Variants in PRKCB observed in about 807,000 individuals in gnomAD.
The protein encoded by PRKCB is protein kinase C beta.
PRKCB carries 13 observed loss-of-function variants against 81.5 expected under a neutral mutation model. That is an observed-to-expected ratio of 0.16 (90% CI 0.10 to 0.25). The LOEUF (loss-of-function observed/expected upper bound fraction) is 0.25. Among genes scored for constraint, PRKCB ranks in the 10% least tolerant of loss-of-function variants. The probability of loss-of-function intolerance (pLI) is 1.00; values close to 1 mark genes in which losing one functional copy is unlikely to be tolerated. For synonymous variants in PRKCB, 335 were observed against 321.4 expected (o/e 1.04, Z -0.45); for missense variants, 509 against 875.7 (o/e 0.58, Z 5.29).
At chr16:24,152,506 A>G (rs1423026272) in intron 9 of PRKCB, among the ~76,000 whole-genome samples, 1 of 151,596 alleles carries the variant, frequency 6.6e-6, no homozygotes, top group Non-Finnish European at 1.5e-5. Flanking sequence ...TCAGCTGAGA[A>G]CTCTTCTTCT....
rs191184587 is a variant in PRKCB at position 24,183,872 on chromosome 16, A to G, written c.1534-1239A>G. ...ATCCCTGCATACTGAAAGATGGACA[A>G]TCACATAGCTCTTCTAGACTTTTCC... is the stretch of plus-strand genomic sequence containing the variant. On this transcript the variant is annotated intron_variant, in intron 13 of 16. Coordinates refer to ENST00000643927, the MANE Select transcript of PRKCB (RefSeq NM_002738.7). Among the ~76,000 whole-genome samples the G allele has an allele frequency of 1.0e-3, 159 of 152,326 alleles. 2 individuals are homozygous for G. The highest frequency in any genetic ancestry group is 6.8e-4 in the Non-Finnish European group (46 of 68,030).
chr16:24,188,103 C>T (rs1417613889), intron 15 of PRKCB, among the ~76,000 whole-genome samples: 1 of 152,204 alleles, frequency 6.6e-6, no homozygotes, highest in East Asian at 1.9e-4. Flanking sequence ...GGTCAGCTGC[C>T]TTCAGCTCCT....
intron 2 of PRKCB, among the ~76,000 whole-genome samples, chr16:23,902,881 G>A (rs1963504660): frequency 6.8e-6 from 1 of 147,020 alleles, no homozygotes; most frequent in South Asian, 2.2e-4. Flanking sequence ...GTAGTTCACT[G>A]TAACCTTGAA....
intron 2 of PRKCB, among the ~76,000 whole-genome samples, chr16:23,957,324 G>A (rs1240826998): frequency 6.6e-6 from 1 of 152,180 alleles, no homozygotes; most frequent in Non-Finnish European, 1.5e-5. Flanking sequence ...TGATAGACTA[G>A]TGCACATGTA....
chr16:23,867,076 CTCT>C (rs1567295257), intron 2 of PRKCB, among the ~76,000 whole-genome samples: 2 of 64,006 alleles, frequency 3.1e-5, no homozygotes, highest in Non-Finnish European at 6.8e-5. Context: ...TTCTTTCTTT[CTCT>C]TTCTTTCTTT....
chr16:23,988,413 A>G, intron 2 of PRKCB, 95 bp from the exon 3 acceptor site: 2 of 947,592 alleles, frequency 2.1e-6, no homozygotes, highest in Non-Finnish European at 1.7e-6. Context: ...TTGTTGGTGA[A>G]GTTCAAGTTT....
intron 2 of PRKCB, among the ~76,000 whole-genome samples, chr16:23,969,758 C>A (rs775433507): frequency 6.6e-6 from 1 of 152,150 alleles, no homozygotes; most frequent in African/African-American, 2.4e-5. Context: ...TAGAAAAATT[C>A]TCTGTGGGAT....
chr16:24,203,888 T>G (rs1968003060), intron 16 of PRKCB, among the ~76,000 whole-genome samples: 1 of 152,132 alleles, frequency 6.6e-6, no homozygotes, highest in Non-Finnish European at 1.5e-5. Context: ...TTCCTCTAAC[T>G]GGGAGCCCCA....
intron 7 of PRKCB, among the ~76,000 whole-genome samples, chr16:24,103,812 C>A (rs1158717221): frequency 6.6e-6 from 1 of 151,904 alleles, no homozygotes; most frequent in Admixed American, 6.6e-5. Context: ...AGGTCCAGAT[C>A]TTTTTTTTCT....
At chr16:24,028,238 G>A (rs1370608180) in intron 3 of PRKCB, among the ~76,000 whole-genome samples, 2 of 152,076 alleles carry the variant, frequency 1.3e-5, no homozygotes, top group Admixed American at 1.3e-4. Flanking sequence ...ACAGGTGCAT[G>A]CCACTATGCC....
At chr16:24,140,725 T>C (rs1268717376) in intron 9 of PRKCB, among the ~76,000 whole-genome samples, 3 of 152,208 alleles carry the variant, frequency 2.0e-5, no homozygotes, top group Non-Finnish European at 4.4e-5. Context: ...ACAGTGATGT[T>C]ATCTGTGGGA....
Position 24,219,522 on chromosome 16 carries a change from G to C in PRKCB, c.*4706G>C, listed in dbSNP as rs1304624097. 1.0e-6 allele frequency: 1 copy of C among 988,302 alleles called. No individual in the cohort carries two copies. Among genetic ancestry groups the C allele is most frequent in the African/African-American group, 1.7e-5 (1 of 57,334 alleles). 61.2% of individuals were successfully genotyped at this position (988,302 alleles called of 1,614,324 possible). On this transcript the variant is annotated 3_prime_UTR_variant, in exon 17 of 17. Transcript: ENST00000643927. ...GCAGTTCACCTTTTCAGAGAAAGAG[G>C]TCTTCTAGCCACCTGGGCTGCTACT...
chr16:23,854,068 C>G (rs142185109), intron 2 of PRKCB, among the ~76,000 whole-genome samples: 1 of 150,868 alleles, frequency 6.6e-6, no homozygotes, highest in Admixed American at 6.6e-5. Context: ...ATCACGAGAA[C>G]AGCATTAGAA....
intron 2 of PRKCB, among the ~76,000 whole-genome samples, chr16:23,849,052 G>A (rs1962426949): frequency 6.6e-6 from 1 of 152,170 alleles, no homozygotes; most frequent in Admixed American, 6.5e-5. Context: ...GCTTGGTTGG[G>A]GCCGGAGAGG....
At chr16:24,054,636 CA>C (rs1269277626) in intron 5 of PRKCB, among the ~76,000 whole-genome samples, 1 of 152,126 alleles carries the variant, frequency 6.6e-6, no homozygotes, top group Non-Finnish European at 1.5e-5. Flanking sequence ...GTGTGTGTAT[CA>C]ATCAAACAAA....
chr16:23,985,422 G>A (rs1228704518), intron 2 of PRKCB, among the ~76,000 whole-genome samples: 1 of 152,074 alleles, frequency 6.6e-6, no homozygotes, highest in South Asian at 2.1e-4. Flanking sequence ...TTTAAACAAT[G>A]ACCAGTTGGG....
intron 12 of PRKCB, chr16:24,174,818 C>A (rs928228294): frequency 2.0e-5 from 9 of 447,800 alleles, no homozygotes; most frequent in African/African-American, 1.8e-4. Context: ...TTCAGAGCCT[C>A]AAACAGGAGA....
intron 10 of PRKCB, among the ~76,000 whole-genome samples, chr16:24,171,727 A>AATT (rs144391453): frequency 9.2e-5 from 14 of 151,818 alleles, no homozygotes; most frequent in Admixed American, 1.3e-4. Flanking sequence ...ATAAACTTGT[A>AATT]ATTATTATTA....
In PRKCB at chr16:23,836,243, A is replaced by G; in HGVS notation, c.68A>G (p.Lys23Arg). 6.2e-7 allele frequency: 1 copy of G among 1,600,638 alleles called. No homozygotes were observed. The highest frequency in any genetic ancestry group is 1.1e-5 in the South Asian group (1 of 90,690). The change falls in exon 1 of 17, where the codon AAA becomes AGA. Residue 23 changes from lysine to arginine, a missense_variant. This residue lies in a region of PRKCB where 184 missense variants were observed against 362.9 expected (regional missense o/e 0.51). Coordinates refer to ENST00000643927, the MANE Select transcript of PRKCB (RefSeq NM_002738.7). ...GAGAGCACCGTGCGCTTCGCCCGCA[A>G]AGGCGCCCTCCGGCAGAAGAACGTG... is the stretch of plus-strand genomic sequence containing the variant. ...GEESTVRFAR[K>R]GALRQKNVHE...
Sources: gnomAD v4.1 joint callset for allele counts (sites outside exome capture counted in the v4.1 genomes callset) on GRCh38, gnomAD v4.1.1 for gene constraint, gnomAD v4.1.1 regional missense constraint, MANE v1.5 for transcripts, NCBI Gene and HGNC (gene_info 2026-07-23, HGNC 2026-07-21) for gene names.